The following LYPD6 variants were observed in gnomAD, a reference collection of about 807,000 sequenced individuals.
The protein encoded by LYPD6 is ly6/PLAUR domain-containing protein 6.
Under a neutral mutation model 22.7 loss-of-function variants are expected in LYPD6, and 15 were observed. That is an observed-to-expected ratio of 0.66 (90% confidence interval 0.44 to 1.02). The LOEUF (loss-of-function observed/expected upper bound fraction) is 1.02, where lower values mean the gene tolerates loss of function less well. LYPD6 is among the 50% of genes least tolerant of loss of function. The pLI, the probability that LYPD6 is intolerant of heterozygous loss-of-function variation, is 0.00. For missense variants in LYPD6, 189 were observed against 208.4 expected (o/e 0.91, Z 0.57); for synonymous variants, 72 against 77.5 (o/e 0.93, Z 0.37).
intron 1 of LYPD6, among the ~76,000 whole-genome samples, chr2:149,365,178 C>T (rs1168228690): frequency 1.3e-5 from 2 of 152,354 alleles, no homozygotes; most frequent in East Asian, 3.9e-4. Context: ...CCATGCAAAG[C>T]TCTCCAATGT....
intron 1 of LYPD6, among the ~76,000 whole-genome samples, chr2:149,357,756 G>A (rs1681474575): frequency 6.7e-6 from 1 of 149,466 alleles, no homozygotes; most frequent in Non-Finnish European, 1.5e-5. Flanking sequence ...TCTAAATCAT[G>A]AAATACATTT....
rs2105186500 is a variant in LYPD6 at position 149,472,264 on chromosome 2, GA to G, written c.*1420del. 6.6e-6 allele frequency: 1 copy of G among 152,264 alleles called. No homozygotes were observed. Among genetic ancestry groups the G allele is most frequent in the South Asian group, 2.1e-4 (1 of 4,824 alleles). 9.4% of individuals were successfully genotyped at this position (152,264 alleles called of 1,614,324 possible). On this transcript the variant is annotated 3_prime_UTR_variant, in exon 5 of 5. Coordinates refer to ENST00000334166, the MANE Select transcript of LYPD6 (RefSeq NM_194317.5). ...TATCTATAATACTTGCACCAGTGTT[GA>G]AAAAAGTTAACATGTAGGCAAGAGC...
chr2:149,435,392 A>G (rs1432708266), intron 1 of LYPD6, among the ~76,000 whole-genome samples: 1 of 152,194 alleles, frequency 6.6e-6, no homozygotes, highest in Non-Finnish European at 1.5e-5. Context: ...CATAATGTTC[A>G]TTCCATTTTG....
At chr2:149,372,891 A>T (rs759843332) in intron 1 of LYPD6, among the ~76,000 whole-genome samples, 1 of 152,212 alleles carries the variant, frequency 6.6e-6, no homozygotes, top group Non-Finnish European at 1.5e-5. Context: ...AAAAATTTTC[A>T]TCTAGGGGTT....
chr2:149,431,780 T>C (rs1683318903), intron 1 of LYPD6, among the ~76,000 whole-genome samples: 1 of 152,126 alleles, frequency 6.6e-6, no homozygotes, highest in Non-Finnish European at 1.5e-5. Flanking sequence ...TCTATCAAAA[T>C]TAAAAACTTT....
At chr2:149,403,738 T>G (rs1405796065) in intron 1 of LYPD6, among the ~76,000 whole-genome samples, 1 of 152,076 alleles carries the variant, frequency 6.6e-6, no homozygotes, top group Non-Finnish European at 1.5e-5. Context: ...TTAGTTTAAT[T>G]AGATCCCATT....
intron 1 of LYPD6, among the ~76,000 whole-genome samples, chr2:149,350,803 C>A (rs1017903112): frequency 6.6e-6 from 1 of 152,156 alleles, no homozygotes. Flanking sequence ...AGTGACTGCC[C>A]AGCCAAAGCT....
intron 1 of LYPD6, among the ~76,000 whole-genome samples, chr2:149,412,489 T>A (rs184781536): frequency 1.3e-5 from 2 of 152,162 alleles, no homozygotes; most frequent in South Asian, 2.1e-4. Flanking sequence ...TAATTTTTTT[T>A]AATACAGATT....
intron 3 of LYPD6, chr2:149,464,275 G>A (rs145290502): frequency 6.4e-6 from 2 of 311,422 alleles, no homozygotes; most frequent in Non-Finnish European, 1.3e-5. Context: ...AGGAAGATCA[G>A]GAAGATTTCA....
At chr2:149,417,524 A>C (rs1317990444) in intron 1 of LYPD6, among the ~76,000 whole-genome samples, 2 of 152,216 alleles carry the variant, frequency 1.3e-5, no homozygotes, top group Non-Finnish European at 2.9e-5. Context: ...TCTAGAAAGT[A>C]GGATCAGTAA....
chr2:149,421,450 G>A (rs1292522551), intron 1 of LYPD6, among the ~76,000 whole-genome samples: 1 of 149,844 alleles, frequency 6.7e-6, no homozygotes, highest in Non-Finnish European at 1.5e-5. Context: ...TTCTGTATCT[G>A]TAAAATGGAG....
At chr2:149,450,278 G>C (rs370841278) in intron 3 of LYPD6, among the ~76,000 whole-genome samples, 1 of 152,156 alleles carries the variant, frequency 6.6e-6, no homozygotes, top group Admixed American at 6.5e-5. Flanking sequence ...TTCTGATTCA[G>C]TGGGTCTGAG....
In LYPD6 at chr2:149,395,099, A is replaced by G. The variant is rs553734469; in HGVS notation, c.-71-42539A>G. ...GAATAGGATATGAGGTGGGAGACCA[A>G]CCATTTTTTTTTTTTCCATTTGAGT... On this transcript the variant is annotated intron_variant, in intron 1 of 4. Transcript: ENST00000334166. Among the ~76,000 whole-genome samples the G allele has an allele frequency of 1.3e-3, 192 of 149,696 alleles. 1 individual carries two copies. The highest frequency in any genetic ancestry group is 2.1e-3 in the Non-Finnish European group (143 of 67,834).
intron 1 of LYPD6, among the ~76,000 whole-genome samples, chr2:149,395,974 A>G (rs776980484): frequency 2.0e-5 from 3 of 152,200 alleles, no homozygotes; most frequent in Non-Finnish European, 4.4e-5. Context: ...ATCATTGACA[A>G]TATTCATTTG....
chr2:149,435,598 A>G (rs559880102), intron 1 of LYPD6, among the ~76,000 whole-genome samples: 11 of 152,354 alleles, frequency 7.2e-5, no homozygotes, highest in Admixed American at 3.9e-4. Context: ...TTCATTCAAG[A>G]TGAAGTGATG....
At chr2:149,428,868 C>T (rs1031776096) in intron 1 of LYPD6, among the ~76,000 whole-genome samples, 2 of 152,182 alleles carry the variant, frequency 1.3e-5, no homozygotes, top group Non-Finnish European at 2.9e-5. Context: ...GGTAACGTTC[C>T]TACTTGTCAA....
chr2:149,371,735 G>A (rs1392633128), intron 1 of LYPD6, among the ~76,000 whole-genome samples: 1 of 152,196 alleles, frequency 6.6e-6, no homozygotes, highest in African/African-American at 2.4e-5. Flanking sequence ...CTTAACTAGT[G>A]TTTGTGCTAC....
chr2:149,388,301 G>A (rs1034731099), intron 1 of LYPD6, among the ~76,000 whole-genome samples: 3 of 151,716 alleles, frequency 2.0e-5, no homozygotes, highest in African/African-American at 7.3e-5. Flanking sequence ...AAGGGCGCAG[G>A]GTTAGCCTGG....
intron 1 of LYPD6, among the ~76,000 whole-genome samples, chr2:149,377,792 C>G (rs1464671784): frequency 8.5e-6 from 1 of 116,996 alleles, no homozygotes. Context: ...CCCCCCCCCC[C>G]ACCCCCCCAA....
Sources: gnomAD v4.1 joint callset for allele counts (sites outside exome capture counted in the v4.1 genomes callset) on GRCh38, gnomAD v4.1.1 for gene constraint, MANE v1.5 for transcripts, NCBI Gene and HGNC (gene_info 2026-07-23, HGNC 2026-07-21) for gene names.